The following SLC5A11 variants were observed in gnomAD, a reference collection of about 807,000 sequenced individuals.
The protein encoded by SLC5A11 is solute carrier family 5 member 11, also known as sodium/myo-inositol cotransporter 2.
In SLC5A11, 48 loss-of-function variants were observed where a neutral mutation model predicts 69.8. The observed-to-expected ratio is 0.69, with a 90% CI of 0.55 to 0.87. SLC5A11 has a LOEUF of 0.87. Ranked by LOEUF, SLC5A11 falls within the 40% of genes least tolerant of loss-of-function variation. The probability of loss-of-function intolerance (pLI) is 0.00; values close to 1 mark genes in which losing one functional copy is unlikely to be tolerated. For synonymous variants in SLC5A11, 319 were observed against 342.4 expected (o/e 0.93, Z 0.75); for missense variants, 784 against 866.1 (o/e 0.91, Z 1.19).
intron 5 of SLC5A11, among the ~76,000 whole-genome samples, chr16:24,873,247 G>GAGGGAGGGAGGAAGGA (rs1183412615): frequency 2.0e-5 from 2 of 101,490 alleles, no homozygotes; most frequent in South Asian, 4.3e-4. Flanking sequence ...GAGAGGGAGG[G>GAGGGAGGGAGGAAGGA]AGGAAGGAAG....
intron 7 of SLC5A11, among the ~76,000 whole-genome samples, chr16:24,880,585 C>T (rs1393320170): frequency 6.6e-6 from 1 of 152,114 alleles, no homozygotes; most frequent in Admixed American, 6.5e-5. Context: ...CTGCCCGCTT[C>T]GGCCTCCCAA....
intron 1 of SLC5A11, among the ~76,000 whole-genome samples, chr16:24,851,960 T>G (rs2059327359): frequency 6.7e-6 from 1 of 148,574 alleles, no homozygotes; most frequent in African/African-American, 2.5e-5. Flanking sequence ...AGCAGGGAAC[T>G]TCCCTTGCTT....
chr16:24,889,495 A>C (rs895795167), intron 8 of SLC5A11, among the ~76,000 whole-genome samples: 9 of 151,906 alleles, frequency 5.9e-5, no homozygotes, highest in Non-Finnish European at 1.0e-4. Flanking sequence ...GAACAAAACA[A>C]AACAACAAAA....
intron 8 of SLC5A11, 102 bp downstream of exon 9, chr16:24,884,233 C>A: frequency 8.7e-7 from 1 of 1,145,998 alleles, no homozygotes; most frequent in South Asian, 1.4e-5. Flanking sequence ...TGTCAAAGAG[C>A]ATACTACTGG....
chr16:24,879,439 T>C (rs762091878), intron 7 of SLC5A11, among the ~76,000 whole-genome samples: 27 of 152,148 alleles, frequency 1.8e-4, no homozygotes, highest in Non-Finnish European at 3.7e-4. Flanking sequence ...TTTCCACTTA[T>C]ATGTGAGAAC....
chr16:24,877,644 A>G (rs2047761389), intron 7 of SLC5A11, among the ~76,000 whole-genome samples: 1 of 152,060 alleles, frequency 6.6e-6, no homozygotes, highest in Admixed American at 6.6e-5. Context: ...GAGGCCAGGA[A>G]TTCCAGACCA....
At chr16:24,862,530 G>GC in intron 2 of SLC5A11, 71 bp from the exon 4 acceptor site, 1 of 1,332,580 alleles carries the variant, frequency 7.5e-7, no homozygotes, top group Non-Finnish European at 1.1e-6. Flanking sequence ...TCCCTGCCTG[G>GC]CCTAGGCCAT....
At chr16:24,859,111 GT>G (rs1320239115) in intron 2 of SLC5A11, 7 of 185,758 alleles carry the variant, frequency 3.8e-5, no homozygotes, top group Middle Eastern at 2.0e-3. Flanking sequence ...GAGAGTTAGG[GT>G]TAGAATCCCT....
chr16:24,877,309 C>A, exon 7 of SLC5A11: 1 of 1,614,012 alleles, frequency 6.2e-7, no homozygotes, highest in Middle Eastern at 1.6e-4. Context: ...GCACCTGGAT[C>A]TGTACCTGGC....
Position 24,905,640 on chromosome 16 carries a change from G to GCGCGCGCGCGCACA in SLC5A11, c.1007-1016_1007-1015insGCGCGCGCGCACAC, listed in dbSNP as rs1443035551. Among the ~76,000 whole-genome samples the GCGCGCGCGCGCACA allele has an allele frequency of 3.7e-5, 5 of 136,778 alleles. No homozygotes were observed. In the South Asian group the frequency reaches 7.3e-4, roughly 20 times the overall value. The allele number at this position is 136,778 out of a possible 152,430, so 89.7% of individuals were successfully genotyped here. A position where few individuals can be genotyped will look rare whatever the true frequency, so the allele number is the denominator to read the frequency against. On this transcript the variant is annotated intron_variant, in intron 10 of 15. Coordinates refer to ENST00000347898, the Ensembl canonical transcript of SLC5A11. ...CCATCTCAAAAACACGCGCGCGCGC[G>GCGCGCGCGCGCACA]CACACACACACACACACACACACAC... is the stretch of plus-strand genomic sequence containing the variant.
Position 24,901,402 on chromosome 16 carries a change from C to G in SLC5A11, c.1006+3293C>G, listed in dbSNP as rs1229398661. The stretch of plus-strand genomic sequence containing the variant: ...GGCCAAGGCAGGCAGATCGCTCGAG[C>G]TCAGCAGTTTGAGACCAGCCTGGGC... On this transcript the variant is annotated intron_variant, in intron 10 of 15. Coordinates refer to ENST00000347898, the Ensembl canonical transcript of SLC5A11. Among the ~76,000 whole-genome samples the G allele has an allele frequency of 4.6e-5, 7 of 152,182 alleles. No individual in the cohort carries two copies. In the East Asian group the frequency reaches 1.2e-3, roughly 25 times the overall value.
rs189849935 is a variant in SLC5A11 at position 24,894,848 on chromosome 16, A to G, written c.871-3126A>G. Among the ~76,000 whole-genome samples the G allele has an allele frequency of 9.4e-3, 1,423 of 152,164 alleles. 21 individuals are homozygous for G. The highest frequency in any genetic ancestry group is 0.032 in the African/African-American group (1,343 of 41,514). On this transcript the variant is annotated intron_variant, in intron 9 of 15. Coordinates refer to ENST00000347898, the Ensembl canonical transcript of SLC5A11. ...AAAAAGGAACCACTTGGCTGGGCAC[A>G]GTGGCTCACACCTGTAATCCCCGCA...
At chr16:24,882,832 G>C (rs1040739667) in intron 7 of SLC5A11, among the ~76,000 whole-genome samples, 1 of 152,036 alleles carries the variant, frequency 6.6e-6, no homozygotes, top group African/African-American at 2.4e-5. Context: ...TTTTAGTAGG[G>C]ACAAGGTTTC....
chr16:24,907,298 A>ACATT, intron 12 of SLC5A11, 123 bp downstream of exon 13: 4 of 1,066,992 alleles, frequency 3.7e-6, no homozygotes, highest in Non-Finnish European at 5.4e-6. Flanking sequence ...CATGTGCAAG[A>ACATT]CATTCATTCA....
chr16:24,885,169 T>C (rs2048315911), intron 8 of SLC5A11, among the ~76,000 whole-genome samples: 1 of 152,202 alleles, frequency 6.6e-6, no homozygotes, highest in East Asian at 1.9e-4. Context: ...CGGTCATGTC[T>C]CTTTGGAGGC....
intron 15 of SLC5A11, among the ~76,000 whole-genome samples, chr16:24,910,754 A>G (rs1406657419): frequency 6.6e-6 from 1 of 152,130 alleles, no homozygotes; most frequent in Non-Finnish European, 1.5e-5. Flanking sequence ...TTCTCTGCAC[A>G]TGGGTAGGCA....
At chr16:24,883,226 A>G (rs1415523289) in intron 7 of SLC5A11, among the ~76,000 whole-genome samples, 1 of 151,256 alleles carries the variant, frequency 6.6e-6, no homozygotes, top group African/African-American at 2.4e-5. Context: ...TTAGCCAGGC[A>G]TGGTGGCTCA....
intron 3 of SLC5A11, among the ~76,000 whole-genome samples, chr16:24,869,579 G>C (rs780484026): frequency 2.0e-4 from 30 of 152,006 alleles, no homozygotes; most frequent in African/African-American, 6.0e-4. Context: ...CTTCTTTCCC[G>C]ACCCCCGACC....
chr16:24,886,251 T>A (rs1479757054), intron 8 of SLC5A11, among the ~76,000 whole-genome samples: 1 of 152,030 alleles, frequency 6.6e-6, no homozygotes, highest in African/African-American at 2.4e-5. Flanking sequence ...ACCAGGATGG[T>A]CTCCATCTCT....
Sources: gnomAD v4.1 joint callset for allele counts (sites outside exome capture counted in the v4.1 genomes callset) on GRCh38, gnomAD v4.1.1 for gene constraint, MANE v1.5 for transcripts, NCBI Gene and HGNC (gene_info 2026-07-23, HGNC 2026-07-21) for gene names.